MCTP1: variants seen among roughly 807,000 people sequenced by gnomAD.
MCTP1 encodes multiple C2 and transmembrane domain containing 1.
MCTP1 carries 69 observed loss-of-function variants against 120.6 expected under a neutral mutation model. The ratio of observed to expected loss-of-function variants is 0.57; its 90% CI spans 0.47 to 0.70. The LOEUF is 0.70. MCTP1 is among the 30% of genes least tolerant of loss of function. MCTP1 has a pLI of 0.00. For missense variants in MCTP1, 1,203 were observed against 1,248.8 expected, an observed-to-expected ratio of 0.96 and a Z score of 0.55; for synonymous variants, 529 against 493.1, an observed-to-expected ratio of 1.07 and a Z score of -0.96.
At chr5:94,807,069 C>T (rs913727809) in intron 17 of MCTP1, among the ~76,000 whole-genome samples, 1 of 152,114 alleles carries the variant, frequency 6.6e-6, no homozygotes, top group Non-Finnish European at 1.5e-5. Context: ...TTAATGTTTT[C>T]CTGTATAGTT....
Position 95,259,453 on chromosome 5 carries a change from C to T in MCTP1, c.720+24403G>A, listed in dbSNP as rs1334061835. The stretch of plus-strand genomic sequence containing the variant: ...ATAGCCCCCCACTTTGTCTGGAGGC[C>T]TTAAATGGCTCCTCTAATGTTACTC... On this transcript the variant is annotated intron_variant, in intron 1 of 22. Transcript: ENST00000515393. Among the ~76,000 whole-genome samples, 4 of 152,236 alleles carry T rather than the reference C, an allele frequency of 2.6e-5. No individual in the cohort carries two copies. In the East Asian group the frequency reaches 7.7e-4, roughly 29 times the overall value.
intron 1 of MCTP1, among the ~76,000 whole-genome samples, chr5:95,149,428 T>C (rs1214966540): frequency 1.3e-5 from 2 of 152,060 alleles, no homozygotes; most frequent in Non-Finnish European, 2.9e-5. Context: ...TTGGGGTGTT[T>C]CCTGGGAAAA....
At chr5:95,106,622 G>A (rs908855519) in intron 1 of MCTP1, among the ~76,000 whole-genome samples, 1 of 152,068 alleles carries the variant, frequency 6.6e-6, no homozygotes, top group African/African-American at 2.4e-5. Context: ...ATTTCCATTC[G>A]CTTCAATTCA....
intron 2 of MCTP1, among the ~76,000 whole-genome samples, chr5:94,958,077 C>T (rs1367090548): frequency 6.6e-6 from 1 of 152,176 alleles, no homozygotes; most frequent in East Asian, 1.9e-4. Flanking sequence ...TCTCTCAGAC[C>T]ACAGTGCAAT....
chr5:95,221,330 C>G (rs1164444329), intron 1 of MCTP1, among the ~76,000 whole-genome samples: 1 of 152,228 alleles, frequency 6.6e-6, no homozygotes, highest in African/African-American at 2.4e-5. Flanking sequence ...TCCAAGTAAA[C>G]CTGTTTCATC....
chr5:95,282,230 T>C (rs1477478194), intron 1 of MCTP1, among the ~76,000 whole-genome samples: 1 of 152,192 alleles, frequency 6.6e-6, no homozygotes, highest in Non-Finnish European at 1.5e-5. Context: ...TAATAAAGAT[T>C]GACAGTTTCT....
intron 2 of MCTP1, among the ~76,000 whole-genome samples, chr5:94,996,934 T>C (rs1157537164): frequency 6.6e-6 from 1 of 152,140 alleles, no homozygotes; most frequent in Non-Finnish European, 1.5e-5. Flanking sequence ...CAAACTAAAA[T>C]TGCTAAACTA....
intron 1 of MCTP1, among the ~76,000 whole-genome samples, chr5:95,017,906 G>C (rs1431852668): frequency 2.0e-5 from 3 of 152,092 alleles, no homozygotes; most frequent in Non-Finnish European, 4.4e-5. Flanking sequence ...TCAGGTGACT[G>C]CTGACTCATT....
intron 1 of MCTP1, among the ~76,000 whole-genome samples, chr5:95,213,251 C>T (rs1039769883): frequency 1.3e-5 from 2 of 152,120 alleles, no homozygotes; most frequent in African/African-American, 4.8e-5. Flanking sequence ...CATGAGTGAA[C>T]TCCCATTCAC....
chr5:94,752,964 C>G (rs569705547), intron 19 of MCTP1, among the ~76,000 whole-genome samples: 2 of 152,320 alleles, frequency 1.3e-5, no homozygotes, highest in South Asian at 4.1e-4. Context: ...AAGCCCTCAT[C>G]CAAGTTTTGA....
intron 1 of MCTP1, among the ~76,000 whole-genome samples, chr5:95,274,915 G>C (rs1302690776): frequency 6.6e-6 from 1 of 152,020 alleles, no homozygotes. Context: ...CATCTGTATA[G>C]AGCCAAATTG....
intron 1 of MCTP1, among the ~76,000 whole-genome samples, chr5:95,094,743 T>G (rs1003953290): frequency 1.3e-5 from 2 of 152,172 alleles, no homozygotes; most frequent in African/African-American, 4.8e-5. Context: ...TAGTTCTGCT[T>G]TATCACATGA....
rs1054051922 is a variant in MCTP1 at position 94,704,861 on chromosome 5, G to C, written c.*2635C>G. 4.0e-5 allele frequency: 6 copies of C among 150,856 alleles called. No homozygotes were observed. The South Asian group carries it at 1.3e-3, about 31-fold the overall frequency. The allele number at this position is 150,856 out of a possible 1,614,324, so 9.3% of individuals were successfully genotyped here. A position where few individuals can be genotyped will look rare whatever the true frequency, so the allele number is the denominator to read the frequency against. On this transcript the variant is annotated 3_prime_UTR_variant, in exon 23 of 23. Transcript: ENST00000515393. ...TATATGCACTAGGATAATCTGAGTTGGGAGATTCAATCAATCAATCAGTTT... is the reference window on the plus strand; with the variant it reads ...TATATGCACTAGGATAATCTGAGTTCGGAGATTCAATCAATCAATCAGTTT...
At chr5:95,023,581 G>A (rs1838618769) in intron 1 of MCTP1, among the ~76,000 whole-genome samples, 1 of 152,242 alleles carries the variant, frequency 6.6e-6, no homozygotes, top group Non-Finnish European at 1.5e-5. Flanking sequence ...TCCAGGGATC[G>A]CCCAACTCCA....
chr5:94,994,038 A>C (rs1005091535), intron 2 of MCTP1, among the ~76,000 whole-genome samples: 9 of 152,204 alleles, frequency 5.9e-5, no homozygotes, highest in Non-Finnish European at 1.0e-4. Context: ...AGAACACGCA[A>C]GATTCTGTCC....
chr5:94,723,077 A>G (rs1167040067), intron 19 of MCTP1, among the ~76,000 whole-genome samples: 2 of 152,194 alleles, frequency 1.3e-5, no homozygotes, highest in Non-Finnish European at 2.9e-5. Flanking sequence ...TAAAAAAAAC[A>G]TGTTTCAACC....
At chr5:94,848,736 G>T (rs926064338) in intron 17 of MCTP1, among the ~76,000 whole-genome samples, 1 of 151,586 alleles carries the variant, frequency 6.6e-6, no homozygotes, top group Non-Finnish European at 1.5e-5. Flanking sequence ...AAAATAAGAT[G>T]CACTGTATTG....
chr5:94,928,555 G>T lies in MCTP1; in HGVS notation c.1212+3398C>A, dbSNP rs1056981892. On this transcript the variant is annotated intron_variant, in intron 6 of 22. Transcript: ENST00000515393. ...GTTGCCCAAGTTTAAGGAGACATCA[G>T]CCCCTTTCTTCTTAAAATAACATAA... Among the ~76,000 whole-genome samples the T allele has an allele frequency of 2.0e-5, 3 of 152,130 alleles. No individual in the cohort carries two copies. In the East Asian group the frequency reaches 5.8e-4, roughly 29 times the overall value.
intron 1 of MCTP1, among the ~76,000 whole-genome samples, chr5:95,069,689 A>G (rs1288095705): frequency 7.6e-6 from 1 of 131,724 alleles, no homozygotes; most frequent in Non-Finnish European, 1.6e-5. Context: ...AAAACAAATG[A>G]CCCTTCTGCC....
Sources: allele counts gnomAD v4.1 joint callset (sites outside exome capture counted in the v4.1 genomes callset), GRCh38; gene constraint gnomAD v4.1.1; transcripts MANE v1.5; gene names NCBI Gene and HGNC (gene_info 2026-07-23, HGNC 2026-07-21).